SSBP2: variants seen among roughly 807,000 people sequenced by gnomAD.
The protein encoded by SSBP2 is single-stranded DNA-binding protein 2.
A neutral mutation model predicts 61.8 loss-of-function variants in SSBP2; 17 were observed. The ratio of observed to expected loss-of-function variants is 0.28; its 90% CI spans 0.19 to 0.41. SSBP2 has a LOEUF of 0.41. Ranked by LOEUF, SSBP2 falls within the 10% of genes least tolerant of loss-of-function variation. SSBP2 has a pLI of 1.00. For missense variants in SSBP2, 310 were observed against 458.7 expected, an observed-to-expected ratio of 0.68 and a Z score of 2.96; for synonymous variants, 139 against 141.3, an observed-to-expected ratio of 0.98 and a Z score of 0.12.
intron 2 of SSBP2, among the ~76,000 whole-genome samples, chr5:81,645,731 A>G (rs1362839282): frequency 6.6e-6 from 1 of 152,224 alleles, no homozygotes; most frequent in Non-Finnish European, 1.5e-5. Context: ...TAACAAAGAT[A>G]AAAGCAGAGG....
At chr5:81,685,919 T>C (rs1056692461) in intron 1 of SSBP2, among the ~76,000 whole-genome samples, 5 of 152,322 alleles carry the variant, frequency 3.3e-5, no homozygotes, top group East Asian at 1.9e-4. Flanking sequence ...TCCCCCAGAA[T>C]ACCCCAAAAG....
intron 5 of SSBP2, among the ~76,000 whole-genome samples, chr5:81,502,374 C>A (rs890096450): frequency 6.6e-6 from 1 of 152,086 alleles, no homozygotes; most frequent in African/African-American, 2.4e-5. Context: ...TGGCTGGTTC[C>A]TCTTCATTTT....
chr5:81,557,677 T>C (rs1259753209), intron 4 of SSBP2, among the ~76,000 whole-genome samples: 1 of 152,196 alleles, frequency 6.6e-6, no homozygotes, highest in African/African-American at 2.4e-5. Context: ...TCTCTAAATG[T>C]TGGATTTGGT....
At chr5:81,599,312 A>G (rs1182954537) in intron 4 of SSBP2, among the ~76,000 whole-genome samples, 1 of 152,228 alleles carries the variant, frequency 6.6e-6, no homozygotes, top group Non-Finnish European at 1.5e-5. Flanking sequence ...TCAGCTCTGA[A>G]AAGAGCAAGT....
At chr5:81,481,069 C>T (rs1765948323) in intron 6 of SSBP2, among the ~76,000 whole-genome samples, 1 of 152,164 alleles carries the variant, frequency 6.6e-6, no homozygotes, top group South Asian at 2.1e-4. Flanking sequence ...TTCTAGTTCT[C>T]CCTCTATTTT....
At chr5:81,492,905 AAT>A in intron 5 of SSBP2, among the ~76,000 whole-genome samples, 1 of 152,278 alleles carries the variant, frequency 6.6e-6, no homozygotes, top group African/African-American at 2.4e-5. Flanking sequence ...ATTACATTTA[AAT>A]ATAAAGATTA....
rs1580620960 is a variant in SSBP2 at position 81,416,756 on chromosome 5, T to C, written c.*3748A>G. ...CAGATATCTTAGAGAATCATAAAAATAGAAATGGAAGTTTTATTTTATTCT... is the reference window on the plus strand; with the variant it reads ...CAGATATCTTAGAGAATCATAAAAACAGAAATGGAAGTTTTATTTTATTCT... On this transcript the variant is annotated 3_prime_UTR_variant, in exon 17 of 17. Transcript: ENST00000320672. The C allele has an allele frequency of 6.6e-6, 1 of 152,170 alleles. No homozygotes were observed. Among genetic ancestry groups the C allele is most frequent in the African/African-American group, 2.4e-5 (1 of 41,438 alleles). 9.4% of individuals were successfully genotyped at this position (152,170 alleles called of 1,614,324 possible).
chr5:81,440,609 G>T lies in SSBP2; in HGVS notation c.877C>A (p.Pro293Thr). ...TCCATTCCTCCTAATCCACCCATGGGACCATCTGACCCAGGACCCATTGGA... is the reference window on the plus strand; with the variant it reads ...TCCATTCCTCCTAATCCACCCATGGTACCATCTGACCCAGGACCCATTGGA... The change falls in exon 14 of 17, where the codon CCC becomes ACC. Residue 293 changes from proline (P) to threonine (T), a missense_variant. Physicochemically the swap from Pro to Thr is conservative, Grantham distance 38. This residue lies in a region of SSBP2 where 209 missense variants were observed against 286.4 expected (regional missense o/e 0.73). Transcript: ENST00000320672. The T allele has an allele frequency of 6.2e-7, 1 of 1,613,296 alleles. No individual in the cohort carries two copies. Among genetic ancestry groups the T allele is most frequent in the Non-Finnish European group, 8.5e-7 (1 of 1,179,568 alleles).
At chr5:81,449,992 T>A (rs183291168) in intron 10 of SSBP2, among the ~76,000 whole-genome samples, 2 of 152,196 alleles carry the variant, frequency 1.3e-5, no homozygotes, top group African/African-American at 4.8e-5. Context: ...CTCTCTTGGG[T>A]CCCTTTCAGT....
At chr5:81,501,700 C>T (rs996608690) in intron 5 of SSBP2, among the ~76,000 whole-genome samples, 1 of 151,320 alleles carries the variant, frequency 6.6e-6, no homozygotes, top group African/African-American at 2.4e-5. Context: ...GTAGCTGGGA[C>T]TACAGGCGCC....
intron 8 of SSBP2, among the ~76,000 whole-genome samples, chr5:81,471,659 T>G (rs1048646087): frequency 6.6e-6 from 1 of 151,966 alleles, no homozygotes; most frequent in African/African-American, 2.4e-5. Context: ...TAGAAATAGG[T>G]AAGAATAATT....
chr5:81,737,269 C>A (rs1348600241), intron 1 of SSBP2, among the ~76,000 whole-genome samples: 1 of 148,478 alleles, frequency 6.7e-6, no homozygotes, highest in Non-Finnish European at 1.5e-5. Flanking sequence ...CCAACTATTG[C>A]CCCTCCTTGC....
chr5:81,698,416 G>A (rs981581562), intron 1 of SSBP2, among the ~76,000 whole-genome samples: 27 of 152,288 alleles, frequency 1.8e-4, no homozygotes, highest in Middle Eastern at 3.4e-3. Flanking sequence ...GTAAGAGGAT[G>A]AACACCAAAA....
At chr5:81,651,985 G>C (rs1440422775) in intron 1 of SSBP2, among the ~76,000 whole-genome samples, 1 of 152,068 alleles carries the variant, frequency 6.6e-6, no homozygotes, top group Non-Finnish European at 1.5e-5. Flanking sequence ...AAAAAACATA[G>C]ACTCAGGTAA....
chr5:81,421,282 T>A (rs1328593028), intron 16 of SSBP2, among the ~76,000 whole-genome samples: 25 of 152,146 alleles, frequency 1.6e-4, no homozygotes, highest in Non-Finnish European at 3.5e-4. Context: ...ACCCTGACCT[T>A]CCTGGGCTCA....
intron 3 of SSBP2, among the ~76,000 whole-genome samples, chr5:81,633,391 C>G (rs2153664193): frequency 6.6e-6 from 1 of 152,202 alleles, no homozygotes; most frequent in Non-Finnish European, 1.5e-5. Flanking sequence ...GCTGGGATTA[C>G]AGGCATGAGC....
intron 15 of SSBP2, among the ~76,000 whole-genome samples, chr5:81,429,530 A>AG (rs1246123509): frequency 6.6e-6 from 1 of 152,194 alleles, no homozygotes; most frequent in African/African-American, 2.4e-5. Context: ...TTTATACAGT[A>AG]GTATAACTGT....
intron 1 of SSBP2, among the ~76,000 whole-genome samples, chr5:81,680,073 C>G (rs1339978144): frequency 2.6e-5 from 4 of 151,794 alleles, no homozygotes; most frequent in Non-Finnish European, 5.9e-5. Context: ...AAACCGTTCC[C>G]AACACCTGGC....
chr5:81,524,859 T>C (rs1769796432), intron 4 of SSBP2, among the ~76,000 whole-genome samples: 1 of 152,058 alleles, frequency 6.6e-6, no homozygotes, highest in African/African-American at 2.4e-5. Flanking sequence ...GCCAGGCCTC[T>C]AACTCTGCCT....
Sources: allele counts gnomAD v4.1 joint callset (sites outside exome capture counted in the v4.1 genomes callset), GRCh38; gene constraint gnomAD v4.1.1; regional missense constraint gnomAD v4.1.1; transcripts MANE v1.5; gene names NCBI Gene and HGNC (gene_info 2026-07-23, HGNC 2026-07-21).